The following RHBDF2 variants were observed in gnomAD, a reference collection of about 807,000 sequenced individuals.
The protein encoded by RHBDF2 is rhomboid 5 homolog 2, also known as inactive rhomboid protein 2.
In RHBDF2, 38 loss-of-function variants were observed where a neutral mutation model predicts 95.2. That is an observed-to-expected ratio of 0.40 (90% CI 0.31 to 0.52). The LOEUF is 0.52. RHBDF2 is among the 20% of genes least tolerant of loss of function. The pLI, the probability that RHBDF2 is intolerant of heterozygous loss-of-function variation, is 0.56. For synonymous variants in RHBDF2, 442 were observed against 462.0 expected (o/e 0.96, Z 0.55); for missense variants, 863 against 1,137.7 (o/e 0.76, Z 3.47).
rs60130089 is a variant in RHBDF2, at chr17:76,498,789, AGTGTGTGTGTGT to A, written c.-220+2552_-220+2563del. Reference sequence around the variant, plus strand: ...CCCCTCCTGGGCTGGAGAGAAAGAGAGTGTGTGTGTGTGTGTGTGTGTGTGTGTGTGTGTGAG... The same window carrying A: ...CCCCTCCTGGGCTGGAGAGAAAGAGAGTGTGTGTGTGTGTGTGTGTGTGAG... On this transcript the variant is annotated intron_variant, in intron 1 of 18. Coordinates refer to ENST00000675367, the MANE Select transcript of RHBDF2 (RefSeq NM_001005498.4). Among the ~76,000 whole-genome samples, 944 of 143,770 alleles carry A rather than the reference AGTGTGTGTGTGT, an allele frequency of 6.6e-3. 4 individuals are homozygous for A. The highest frequency in any genetic ancestry group is 0.021 in the African/African-American group (835 of 39,572). The allele number at this position is 143,770 out of a possible 152,430, so 94.3% of individuals were successfully genotyped here.
In RHBDF2 at chr17:76,477,254, T is replaced by C; in HGVS notation, c.846A>G (p.Pro282=). The change falls in exon 8 of 19, where the codon CCA becomes CCG. Residue 282 remains proline, a synonymous_variant. Coordinates refer to ENST00000675367, the MANE Select transcript of RHBDF2 (RefSeq NM_001005498.4). ...SMPDDVFESP[P]LSASYFRGIP... is the part of the protein sequence containing the mutation. ...TCCCTCGGAAGTAGCTGGCAGAGAG[T>C]GGGGGGGACTCAAAGACATCATCAG... is the stretch of plus-strand genomic sequence containing the variant. 6.2e-7 allele frequency: 1 copy of C among 1,605,740 alleles called. No individual in the cohort carries two copies. Among genetic ancestry groups the C allele is most frequent in the Non-Finnish European group, 8.5e-7 (1 of 1,177,572 alleles).
intron 1 of RHBDF2, chr17:76,501,065 A>C (rs1479314451): frequency 6.6e-6 from 1 of 152,112 alleles, no homozygotes; most frequent in Non-Finnish European, 1.5e-5. Flanking sequence ...TTGCCCCTAC[A>C]TCTGGCGCCC....
Position 76,477,020 on chromosome 17 carries a change from C to G in RHBDF2, c.925G>C (p.Glu309Gln). 1 of 1,613,434 alleles carries G rather than the reference C, an allele frequency of 6.2e-7. No homozygotes were observed. The highest frequency in any genetic ancestry group is 1.1e-5 in the South Asian group (1 of 91,064). Residue 309 changes from glutamate to glutamine, a missense_variant, in exon 9 of 19, where the codon GAG (glutamate) becomes CAG (glutamine). By Grantham distance (29) the Glu-to-Gln change is conservative. This residue lies in a region of RHBDF2 where 611 missense variants were observed against 725.5 expected (regional missense o/e 0.84). Coordinates refer to ENST00000675367, the MANE Select transcript of RHBDF2 (RefSeq NM_001005498.4). ...SPDGVQIPLKEYGRAPVPGPR... is the reference protein window; with the variant it reads ...SPDGVQIPLKQYGRAPVPGPR... ...CCGGGGACTGGGGCTCGGCCATACT[C>G]CTTCCTGGTGGGGATGGTGGCTTTC...
intron 1 of RHBDF2, among the ~76,000 whole-genome samples, chr17:76,497,195 G>C (rs191094495): frequency 4.6e-5 from 7 of 152,054 alleles, no homozygotes; most frequent in Admixed American, 1.3e-4. Flanking sequence ...GCGGCCACAC[G>C]GGGGAGGCAG....
intron 9 of RHBDF2, 96 bp downstream of exon 9, chr17:76,476,734 A>G (rs2073783054): frequency 3.4e-6 from 5 of 1,452,284 alleles, no homozygotes; most frequent in Non-Finnish European, 4.5e-6. Flanking sequence ...GATGCTCATG[A>G]AACACTTGCT....
intron 1 of RHBDF2, among the ~76,000 whole-genome samples, chr17:76,497,524 C>G (rs561900319): frequency 1.3e-5 from 2 of 152,154 alleles, no homozygotes; most frequent in South Asian, 2.1e-4. Context: ...TGACAGCCCA[C>G]GAGGCAGGGC....
intron 14 of RHBDF2, 34 bp downstream of exon 14, chr17:76,473,805 C>A (rs560065819): frequency 1.2e-6 from 2 of 1,613,642 alleles, no homozygotes; most frequent in Non-Finnish European, 1.7e-6. Context: ...CCATCCCTGA[C>A]CTTCCCAGAC....
chr17:76,479,267 G>A lies in RHBDF2; in HGVS notation c.283C>T (p.Gln95Ter). 1 of 1,600,908 alleles carries A rather than the reference G, an allele frequency of 6.2e-7. No homozygotes were observed. Among genetic ancestry groups the A allele is most frequent in the Non-Finnish European group, 8.5e-7 (1 of 1,177,782 alleles). ...LSQSIRKGAA[Q>*]WFGVSGDWEG... is the part of the protein sequence containing the mutation. ...CAGTCGCCGCTGACTCCAAACCACT[G>A]GGCTGCGCCCCTGCGGAAGCAGACA... The change falls in exon 5 of 19, where the codon CAG (glutamine) becomes TAG (stop). Residue 95 changes from glutamine (Q) to a stop codon, truncating the protein, a stop_gained. Coordinates refer to ENST00000675367, the MANE Select transcript of RHBDF2 (RefSeq NM_001005498.4). LOFTEE classifies it high-confidence loss of function.
At chr17:76,479,385 T>TG in intron 4 of RHBDF2, 108 bp from the exon 5 acceptor site, 4 of 1,476,946 alleles carry the variant, frequency 2.7e-6, no homozygotes, top group Non-Finnish European at 3.7e-6. Context: ...TACAGGGAGG[T>TG]GGGGGGCGGA....
rs139799274 is a variant in RHBDF2, at chr17:76,500,720, A to G, written c.-220+633T>C. On this transcript the variant is annotated intron_variant, in intron 1 of 18. Transcript: ENST00000675367. ...AGGGAACTTATCCGTCTCTATCCCA[A>G]TGCCCTGGGGGAACATCCGAGGGGC... Among the ~76,000 whole-genome samples the G allele has an allele frequency of 1.4e-3, 208 of 152,250 alleles. 1 individual carries two copies. Among genetic ancestry groups the G allele is most frequent in the African/African-American group, 4.6e-3 (191 of 41,560 alleles).
chr17:76,492,620 T>C (rs950456293), intron 1 of RHBDF2, among the ~76,000 whole-genome samples: 5 of 152,256 alleles, frequency 3.3e-5, no homozygotes, highest in Admixed American at 6.5e-5. Context: ...CTCCCCCAGG[T>C]GCAGTTCCCT....
chr17:76,484,664 C>T (rs1356544116), intron 2 of RHBDF2, among the ~76,000 whole-genome samples: 1 of 152,132 alleles, frequency 6.6e-6, no homozygotes, highest in East Asian at 1.9e-4. Flanking sequence ...CTGCTCAACT[C>T]TCTCCCAGGA....
chr17:76,481,407 C>T lies in RHBDF2; in HGVS notation c.118G>A (p.Ala40Thr). 1 of 1,612,724 alleles carries T rather than the reference C, an allele frequency of 6.2e-7. No homozygotes were observed. Among genetic ancestry groups the T allele is most frequent in the East Asian group, 2.2e-5 (1 of 44,870 alleles). The change falls in exon 3 of 19, where the codon GCC becomes ACC. Residue 40 changes from alanine (A) to threonine (T), a missense_variant. Physicochemically the swap from Ala to Thr is moderately conservative, Grantham distance 58. Transcript: ENST00000675367. ...AGCATGCTGTCCTGCTCGCCAGGGG[C>T]CTGGGTCTCTTTCTCGGGTGGCGGG... ...TIPPPEKETQ[A>T]PGEQDSMLPE...
rs775201514 is a variant in RHBDF2, at chr17:76,477,310, G to T, written c.802-12C>A. On this transcript the variant is annotated splice_polypyrimidine_tract_variant and intron_variant, in intron 7 of 18. Coordinates refer to ENST00000675367, the MANE Select transcript of RHBDF2 (RefSeq NM_001005498.4). ...GAGCTCATTTCTTCCTGGGGTGGGG[G>T]ACAAGAAAATACAGTGTAAGGAGTC... 1.9e-6 allele frequency: 3 copies of T among 1,609,906 alleles called. No individual in the cohort carries two copies. The highest frequency in any genetic ancestry group is 2.2e-5 in the East Asian group (1 of 44,848).
At position 76,476,817 on chromosome 17, in the gene RHBDF2, G is replaced by A; in HGVS notation, c.1115+13C>T. The A allele has an allele frequency of 1.9e-6, 3 of 1,583,904 alleles. No homozygotes were observed. The highest frequency in any genetic ancestry group is 2.6e-6 in the Non-Finnish European group (3 of 1,167,540). ...TTCCAGGCTCTCCTGGGGGCTCCAG[G>A]GCGACACCTCACCGGTGGCTGTCGA... is the stretch of plus-strand genomic sequence containing the variant. On this transcript the variant is annotated intron_variant, in intron 9 of 18. Transcript: ENST00000675367.
At chr17:76,499,978 G>A (rs2074537718) in intron 1 of RHBDF2, among the ~76,000 whole-genome samples, 1 of 152,108 alleles carries the variant, frequency 6.6e-6, no homozygotes, top group Non-Finnish European at 1.5e-5. Flanking sequence ...GAAAGGCGGT[G>A]TCTCATGGCA....
intron 2 of RHBDF2, among the ~76,000 whole-genome samples, chr17:76,482,249 T>C (rs1459211851): frequency 2.6e-5 from 4 of 152,118 alleles, no homozygotes; most frequent in South Asian, 4.1e-4. Flanking sequence ...ATACCAGCAC[T>C]TGGGGAGGCC....
rs765474443 is a variant in RHBDF2, at chr17:76,478,788, C to T, written c.672+18G>A. 1.2e-6 allele frequency: 2 copies of T among 1,601,380 alleles called. No individual in the cohort carries two copies. The highest frequency in any genetic ancestry group is 2.2e-5 in the East Asian group (1 of 44,732). On this transcript the variant is annotated intron_variant, in intron 6 of 18. Coordinates refer to ENST00000675367, the MANE Select transcript of RHBDF2 (RefSeq NM_001005498.4). The stretch of plus-strand genomic sequence containing the variant: ...AGGCCGGGCAGAGGTGGGGGCCCTG[C>T]AGGAGGGAGCCCCGCACCTTGAGGA...
In RHBDF2 at chr17:76,471,638, G is replaced by A. The variant is rs762118318; in HGVS notation, c.2479C>T (p.His827Tyr). The A allele has an allele frequency of 6.3e-7, 1 of 1,597,986 alleles. No homozygotes were observed. Among genetic ancestry groups the A allele is most frequent in the Admixed American group, 1.7e-5 (1 of 59,150 alleles). The change falls in exon 19 of 19, where the codon CAC becomes TAC. Residue 827 changes from histidine to tyrosine, a missense_variant. By Grantham distance (83) the His-to-Tyr change is moderately conservative. This residue lies in a region of RHBDF2 where 252 missense variants were observed against 412.2 expected (regional missense o/e 0.61). Coordinates refer to ENST00000675367, the MANE Select transcript of RHBDF2 (RefSeq NM_001005498.4). ...CEKYELDQVL[H>Y] ...GCAGCCGTGTGGCCCAGCGGTCAGT[G>A]CAGCACCTGGTCCAGCTCATACTTC...
Sources: gnomAD v4.1 joint callset for allele counts (sites outside exome capture counted in the v4.1 genomes callset) on GRCh38, gnomAD v4.1.1 for gene constraint, gnomAD v4.1.1 regional missense constraint, MANE v1.5 for transcripts, NCBI Gene and HGNC (gene_info 2026-07-23, HGNC 2026-07-21) for gene names.